Variants in HMCN1 observed in about 807,000 individuals in gnomAD.
HMCN1 encodes the protein hemicentin 1, also known as hemicentin-1.
Under a neutral mutation model 625.9 loss-of-function variants are expected in HMCN1, and 321 were observed. The observed-to-expected ratio is 0.51, with a 90% confidence interval of 0.47 to 0.56. The LOEUF (loss-of-function observed/expected upper bound fraction) is 0.56, where lower values mean the gene tolerates loss of function less well. Among genes scored for constraint, HMCN1 ranks in the 20% least tolerant of loss-of-function variants. The probability of loss-of-function intolerance (pLI) is 0.00; values close to 1 mark genes in which losing one functional copy is unlikely to be tolerated. For missense variants in HMCN1, 6,588 were observed against 6,887.3 expected (o/e 0.96, Z 1.54); for synonymous variants, 2,425 against 2,417.6 (o/e 1.00, Z -0.09).
chr1:185,794,601 ATTTTTTTTTTT>A (rs34098989), intron 1 of HMCN1, among the ~76,000 whole-genome samples: 1 of 111,210 alleles, frequency 9.0e-6, no homozygotes, highest in Non-Finnish European at 1.8e-5. Flanking sequence ...GTCTTTACAC[ATTTTTTTTTTT>A]TTTTTTTTTT....
At chr1:186,070,102 C>T (rs562914901) in intron 51 of HMCN1, among the ~76,000 whole-genome samples, 1 of 152,288 alleles carries the variant, frequency 6.6e-6, no homozygotes, top group South Asian at 2.1e-4. Flanking sequence ...TCGTTAGATG[C>T]ATATGTTCTA....
chr1:186,172,524 A>G (rs1652296889), intron 102 of HMCN1, among the ~76,000 whole-genome samples: 1 of 152,214 alleles, frequency 6.6e-6, no homozygotes, highest in South Asian at 2.1e-4. Flanking sequence ...GGAGATGTAT[A>G]TTCCTTAAAT....
chr1:186,099,836 G>A (rs772842533), intron 68 of HMCN1, among the ~76,000 whole-genome samples: 1 of 152,126 alleles, frequency 6.6e-6, no homozygotes, highest in Non-Finnish European at 1.5e-5. Context: ...GACAAGACAA[G>A]AACTATATAT....
chr1:185,761,541 T>C (rs931357628), intron 1 of HMCN1, among the ~76,000 whole-genome samples: 1 of 152,218 alleles, frequency 6.6e-6, no homozygotes, highest in South Asian at 2.1e-4. Context: ...GCCTGTTTAC[T>C]GGTACTTTTA....
Position 185,984,181 on chromosome 1 carries a change from C to A in HMCN1, c.2803C>A (p.Pro935Thr). 1 of 1,612,948 alleles carries A rather than the reference C, an allele frequency of 6.2e-7. No individual in the cohort carries two copies. The highest frequency in any genetic ancestry group is 8.5e-7 in the Non-Finnish European group (1 of 1,179,222). Residue 935 changes from proline (P) to threonine (T), a missense_variant, in exon 19 of 107, where the codon CCT becomes ACT. Coordinates refer to ENST00000271588, the MANE Select transcript of HMCN1 (RefSeq NM_031935.3). ...IKNSAMLLQN[P>T]YITVRSDGSL... ...TTTTTCCTTTAAGTTGCTCCAAAAT[C>A]CTTACATCACTGTGCGCAGTGATGG... is the stretch of plus-strand genomic sequence containing the variant.
At chr1:186,173,139 G>T (rs1652336228) in intron 102 of HMCN1, among the ~76,000 whole-genome samples, 1 of 152,104 alleles carries the variant, frequency 6.6e-6, no homozygotes, top group African/African-American at 2.4e-5. Context: ...GTTTCTCATT[G>T]TAAAAATAGT....
intron 1 of HMCN1, among the ~76,000 whole-genome samples, chr1:185,795,299 A>G (rs1297389680): frequency 6.6e-6 from 1 of 152,208 alleles, no homozygotes; most frequent in African/African-American, 2.4e-5. Context: ...TGTCCAAGAA[A>G]TGTACATTTT....
intron 4 of HMCN1, among the ~76,000 whole-genome samples, chr1:185,866,843 TTTA>T (rs1663278180): frequency 6.6e-6 from 1 of 152,110 alleles, no homozygotes; most frequent in South Asian, 2.1e-4. Context: ...TTTTTTAAAA[TTTA>T]TTTTTATTTT....
chr1:186,014,281 T>G (rs936895762), intron 30 of HMCN1, among the ~76,000 whole-genome samples: 2 of 151,534 alleles, frequency 1.3e-5, no homozygotes, highest in South Asian at 4.1e-4. Flanking sequence ...ATATTGATAC[T>G]TATATAGATT....
chr1:186,105,589 C>T (rs554391551), intron 69 of HMCN1, among the ~76,000 whole-genome samples: 87 of 152,314 alleles, frequency 5.7e-4, no homozygotes, highest in African/African-American at 1.7e-3. Context: ...ATACTGTACC[C>T]TCCTTTTCTT....
intron 11 of HMCN1, among the ~76,000 whole-genome samples, chr1:185,950,818 T>C (rs1308786636): frequency 7.3e-5 from 11 of 150,214 alleles, no homozygotes; most frequent in African/African-American, 2.2e-4. Context: ...GAGGCAGGTA[T>C]TGAGGATAGG....
chr1:186,053,239 T>C (rs530245418), intron 43 of HMCN1, among the ~76,000 whole-genome samples, 165 bp downstream of exon 43: 1 of 152,118 alleles, frequency 6.6e-6, no homozygotes, highest in Non-Finnish European at 1.5e-5. Flanking sequence ...GTGATACTTC[T>C]ACACTTCCCA....
intron 93 of HMCN1, among the ~76,000 whole-genome samples, chr1:186,147,985 CT>C (rs1650427529): frequency 6.6e-6 from 1 of 152,174 alleles, no homozygotes; most frequent in South Asian, 2.1e-4. Context: ...AATGATTTCT[CT>C]GTAGTGGACA....
intron 16 of HMCN1, 123 bp from the exon 17 acceptor site, chr1:185,980,855 T>C: frequency 1.3e-6 from 1 of 761,336 alleles, no homozygotes; most frequent in Non-Finnish European, 2.4e-6. Flanking sequence ...GGTTTCTGTG[T>C]ATGTCCCTTC....
chr1:186,116,832 A>G (rs1015197574), intron 75 of HMCN1, among the ~76,000 whole-genome samples, 162 bp from the exon 76 acceptor site: 1 of 152,158 alleles, frequency 6.6e-6, no homozygotes, highest in Admixed American at 6.5e-5. Context: ...TACAAACATA[A>G]ACTCTAATGC....
chr1:185,827,334 G>A (rs1279122455), intron 1 of HMCN1, among the ~76,000 whole-genome samples: 1 of 151,850 alleles, frequency 6.6e-6, no homozygotes, highest in East Asian at 1.9e-4. Context: ...TAAAAATAAA[G>A]TAAAACAAAA....
intron 1 of HMCN1, among the ~76,000 whole-genome samples, chr1:185,832,155 G>T (rs1232545147): frequency 6.6e-6 from 1 of 152,054 alleles, no homozygotes; most frequent in African/African-American, 2.4e-5. Flanking sequence ...AATTAGCTGG[G>T]CGTGGTGGCG....
intron 46 of HMCN1, among the ~76,000 whole-genome samples, chr1:186,057,877 A>G (rs1477372420): frequency 1.3e-5 from 2 of 152,140 alleles, no homozygotes; most frequent in African/African-American, 4.8e-5. Flanking sequence ...GATATTGATC[A>G]TATTCCTCAT....
intron 1 of HMCN1, among the ~76,000 whole-genome samples, chr1:185,781,636 G>A (rs1284669349): frequency 1.3e-5 from 2 of 152,220 alleles, no homozygotes; most frequent in Non-Finnish European, 1.5e-5. Context: ...AGGTTGTTCA[G>A]TTTCCATGTA....
Sources: allele counts gnomAD v4.1 joint callset (sites outside exome capture counted in the v4.1 genomes callset), GRCh38; gene constraint gnomAD v4.1.1; transcripts MANE v1.5; gene names NCBI Gene and HGNC (gene_info 2026-07-23, HGNC 2026-07-21).